The following TNFRSF10B variants were observed in gnomAD, a reference collection of about 807,000 sequenced individuals.
The protein encoded by TNFRSF10B is tumor necrosis factor receptor superfamily member 10B.
A neutral mutation model predicts 41.4 loss-of-function variants in TNFRSF10B; 35 were observed. The ratio of observed to expected loss-of-function variants is 0.85; its 90% CI spans 0.65 to 1.12. The LOEUF is 1.12. Ranked by LOEUF, TNFRSF10B falls within the 50% of genes most tolerant of loss-of-function variation. The pLI is 0.00. For synonymous variants in TNFRSF10B, 230 were observed against 215.5 expected (o/e 1.07, Z -0.59); for missense variants, 584 against 552.7 (o/e 1.06, Z -0.57).
At position 23,028,476 on chromosome 8, in the gene TNFRSF10B, G is replaced by T. The variant is rs1476740097; in HGVS notation, c.603C>A (p.Ser201Arg). 6.2e-7 allele frequency: 1 copy of T among 1,614,180 alleles called. No homozygotes were observed. The highest frequency in any genetic ancestry group is 1.1e-5 in the South Asian group (1 of 91,090). ...AACAGGGAGAGGCAGGAGTCCCTGGGCTGGAGGTCACCGTCTCCTCCACAG... is the reference window on the plus strand; with the variant it reads ...AACAGGGAGAGGCAGGAGTCCCTGGTCTGGAGGTCACCGTCTCCTCCACAG... ...VPAVEETVTS[S>R]PGTPASPCSL... Residue 201 changes from serine (S) to arginine (R), a missense_variant, in exon 5 of 9, where the codon AGC (serine) becomes AGA (arginine). Transcript: ENST00000276431.
intron 6 of TNFRSF10B, chr8:23,027,513 G>T: frequency 2.6e-6 from 2 of 782,836 alleles, no homozygotes; most frequent in East Asian, 2.7e-5. Context: ...TGTGGGGTGA[G>T]GATGTCACCT....
At chr8:23,026,186 G>T (rs1174356234) in intron 7 of TNFRSF10B, among the ~76,000 whole-genome samples, 1 of 152,098 alleles carries the variant, frequency 6.6e-6, no homozygotes, top group Non-Finnish European at 1.5e-5. Context: ...TGGTACAGAT[G>T]CAAGGAAGAA....
intron 1 of TNFRSF10B, among the ~76,000 whole-genome samples, chr8:23,057,419 G>A (rs1812702698): frequency 6.9e-6 from 1 of 144,166 alleles, no homozygotes; most frequent in Non-Finnish European, 1.5e-5. Flanking sequence ...AATTTCCTCT[G>A]AATTCTGTAA....
rs111638197 is a variant in TNFRSF10B, at chr8:23,055,968, C to A, written c.145-12725G>T. Among the ~76,000 whole-genome samples the A allele has an allele frequency of 5.4e-3, 829 of 152,216 alleles. 2 individuals carry two copies. The highest frequency in any genetic ancestry group is 8.2e-3 in the Non-Finnish European group (560 of 68,004). ...ACTTTGTAATTTTGAGTTGGTCTGGCGATAATTTCCAGGCCTTCTCCCTGT... is the reference window on the plus strand; with the variant it reads ...ACTTTGTAATTTTGAGTTGGTCTGGAGATAATTTCCAGGCCTTCTCCCTGT... On this transcript the variant is annotated intron_variant, in intron 1 of 8. Transcript: ENST00000276431.
intron 1 of TNFRSF10B, among the ~76,000 whole-genome samples, chr8:23,064,067 C>T (rs1245374698): frequency 1.3e-5 from 2 of 152,256 alleles, no homozygotes; most frequent in Non-Finnish European, 2.9e-5. Context: ...GTATCGGGAA[C>T]ATGGCACGGC....
Position 23,020,261 on chromosome 8 carries a change from T to G in TNFRSF10B, c.*2410A>C. ...AGGGACCTTTGACAGGGCAGAAGCA[T>G]GAAAGGACACCAACCACGAGTGACA... On this transcript the variant is annotated 3_prime_UTR_variant, in exon 9 of 9. Coordinates refer to ENST00000276431, the MANE Select transcript of TNFRSF10B (RefSeq NM_003842.5). 1 of 454,154 alleles carries G rather than the reference T, an allele frequency of 2.2e-6. No homozygotes were observed. Among genetic ancestry groups the G allele is most frequent in the Non-Finnish European group, 4.4e-6 (1 of 226,778 alleles). The allele number at this position is 454,154 out of a possible 1,614,324, so 28.1% of individuals were successfully genotyped here.
intron 1 of TNFRSF10B, among the ~76,000 whole-genome samples, chr8:23,048,816 T>C (rs1290284891): frequency 6.6e-6 from 1 of 152,170 alleles, no homozygotes; most frequent in Non-Finnish European, 1.5e-5. Context: ...CAGGCTGGTC[T>C]TGAACGTTCG....
chr8:23,029,583 A>T, intron 4 of TNFRSF10B, 27 bp downstream of exon 4: 1 of 1,586,252 alleles, frequency 6.3e-7, no homozygotes, highest in Non-Finnish European at 8.6e-7. Context: ...CCATGGAGCT[A>T]CTGGGAGCCC....
rs545584839 is a variant in TNFRSF10B, at chr8:23,021,437, A to G, written c.*1234T>C. ...CCATTTCACACCATTCTCAAGCACC[A>G]TCTACTCTTCCCCCTTGATGCCATG... is the stretch of plus-strand genomic sequence containing the variant. On this transcript the variant is annotated 3_prime_UTR_variant, in exon 9 of 9. Transcript: ENST00000276431. The G allele has an allele frequency of 6.2e-5, 28 of 454,140 alleles. No homozygotes were observed. The highest frequency in any genetic ancestry group is 4.2e-4 in the South Asian group (27 of 64,476). 28.1% of individuals were successfully genotyped at this position (454,140 alleles called of 1,614,324 possible). A position where few individuals can be genotyped will look rare whatever the true frequency, so the allele number is the denominator to read the frequency against.
intron 5 of TNFRSF10B, 117 bp downstream of exon 5, chr8:23,028,214 A>G: frequency 7.0e-7 from 1 of 1,426,912 alleles, no homozygotes; most frequent in Non-Finnish European, 9.8e-7. Flanking sequence ...AGGAGGATAG[A>G]GCCAGGCTGG....
At chr8:23,044,373 G>A (rs901336431) in intron 1 of TNFRSF10B, among the ~76,000 whole-genome samples, 2 of 152,164 alleles carry the variant, frequency 1.3e-5, no homozygotes, top group Non-Finnish European at 2.9e-5. Flanking sequence ...GATCAACAGT[G>A]AAGGGGCAAC....
At chr8:23,051,911 T>G (rs1425032175) in intron 1 of TNFRSF10B, among the ~76,000 whole-genome samples, 2 of 152,202 alleles carry the variant, frequency 1.3e-5, no homozygotes, top group Non-Finnish European at 2.9e-5. Flanking sequence ...AAGTTTGTTC[T>G]GGGAAAGGAC....
At chr8:23,061,395 T>C (rs767420686) in intron 1 of TNFRSF10B, among the ~76,000 whole-genome samples, 17 of 152,216 alleles carry the variant, frequency 1.1e-4, no homozygotes, top group Non-Finnish European at 2.4e-4. Context: ...AATTTCAAAA[T>C]TTTAAAAATT....
intron 2 of TNFRSF10B, among the ~76,000 whole-genome samples, chr8:23,042,470 C>A (rs750290472): frequency 1.4e-4 from 21 of 152,146 alleles, no homozygotes; most frequent in Non-Finnish European, 2.6e-4. Context: ...AGGCCAGGTT[C>A]CTGCTGCATC....
intron 1 of TNFRSF10B, among the ~76,000 whole-genome samples, chr8:23,063,941 C>T (rs535134042): frequency 6.6e-6 from 1 of 152,372 alleles, no homozygotes; most frequent in Admixed American, 6.5e-5. Flanking sequence ...ACTCTATGAG[C>T]AGGCTGAGGA....
At chr8:23,023,062 C>T in intron 8 of TNFRSF10B, 78 bp from the exon 9 acceptor site, 1 of 1,554,882 alleles carries the variant, frequency 6.4e-7, no homozygotes, top group South Asian at 1.1e-5. Flanking sequence ...AGGCCCAGAA[C>T]CCAAGGCGGG....
chr8:23,035,580 C>G (rs760025372), intron 2 of TNFRSF10B, among the ~76,000 whole-genome samples: 7 of 152,160 alleles, frequency 4.6e-5, no homozygotes, highest in Non-Finnish European at 1.0e-4. Flanking sequence ...ATTTGCATGT[C>G]AGGGGGTGGG....
At chr8:23,037,326 T>C (rs1812056274) in intron 2 of TNFRSF10B, among the ~76,000 whole-genome samples, 1 of 152,160 alleles carries the variant, frequency 6.6e-6, no homozygotes, top group Non-Finnish European at 1.5e-5. Context: ...GCCCAATCTA[T>C]AGGCAGCAGA....
At chr8:23,043,334 A>T in intron 1 of TNFRSF10B, 91 bp from the exon 2 acceptor site, 1 of 932,850 alleles carries the variant, frequency 1.1e-6, no homozygotes, top group Non-Finnish European at 1.7e-6. Context: ...CAGGCACCCA[A>T]GCTAAACAGA....
Sources: gnomAD v4.1 joint callset for allele counts (sites outside exome capture counted in the v4.1 genomes callset) on GRCh38, gnomAD v4.1.1 for gene constraint, MANE v1.5 for transcripts, NCBI Gene and HGNC (gene_info 2026-07-23, HGNC 2026-07-21) for gene names.